TENM3: variants seen among roughly 807,000 people sequenced by gnomAD.
The protein encoded by TENM3 is teneurin transmembrane protein 3.
Under a neutral mutation model 255.1 loss-of-function variants are expected in TENM3, and 63 were observed. That is an observed-to-expected ratio of 0.25 (90% CI 0.20 to 0.30). The LOEUF is 0.30. Ranked by LOEUF, TENM3 falls within the 10% of genes least tolerant of loss-of-function variation. The pLI is 1.00. For missense variants in TENM3, 2,929 were observed against 3,461.1 expected (o/e 0.85, Z 3.86); for synonymous variants, 1,306 against 1,322.3 (o/e 0.99, Z 0.27).
chr4:182,004,029 G>A, the TENM3 span, among the ~76,000 whole-genome samples: 1 of 152,086 alleles, frequency 6.6e-6, no homozygotes, highest in African/African-American at 2.4e-5. Context: ...GAGATATGAA[G>A]AATATTGGAT....
intron 3 of TENM3, among the ~76,000 whole-genome samples, chr4:182,380,129 G>T (rs1767463940): frequency 6.6e-6 from 1 of 152,006 alleles, no homozygotes; most frequent in South Asian, 2.1e-4. Context: ...AAATTAGGCG[G>T]GCCTGGTGGC....
the TENM3 span, among the ~76,000 whole-genome samples, chr4:181,907,051 C>T: frequency 3.3e-5 from 5 of 152,020 alleles, no homozygotes; most frequent in Non-Finnish European, 7.4e-5. Context: ...GCACATGCCA[C>T]CGCACTCTAT....
the TENM3 span, among the ~76,000 whole-genome samples, chr4:181,869,325 A>C: frequency 6.6e-6 from 1 of 152,130 alleles, no homozygotes; most frequent in African/African-American, 2.4e-5. Flanking sequence ...ATGCTTAAAC[A>C]TGTATTTAAT....
At chr4:182,038,650 T>G in the TENM3 span, among the ~76,000 whole-genome samples, 3 of 152,202 alleles carry the variant, frequency 2.0e-5, no homozygotes, top group African/African-American at 7.2e-5. Flanking sequence ...TGTGGCAAGA[T>G]CTGCACAGAC....
chr4:182,481,073 A>G (rs1164213249), intron 3 of TENM3, among the ~76,000 whole-genome samples: 1 of 152,062 alleles, frequency 6.6e-6, no homozygotes, highest in Admixed American at 6.5e-5. Flanking sequence ...GAAGTTGAGA[A>G]ATTGCATTTT....
chr4:181,780,044 C>G, the TENM3 span, among the ~76,000 whole-genome samples: 1 of 152,294 alleles, frequency 6.6e-6, no homozygotes, highest in South Asian at 2.1e-4. Flanking sequence ...CATTGATGGA[C>G]ATTTGGGTTG....
At chr4:182,285,308 A>G (rs1760666282) in intron 1 of TENM3, among the ~76,000 whole-genome samples, 1 of 151,896 alleles carries the variant, frequency 6.6e-6, no homozygotes, top group Non-Finnish European at 1.5e-5. Context: ...TGGTATAAGG[A>G]ATTAACAGTC....
At chr4:182,322,122 C>A (rs956322324) in intron 1 of TENM3, among the ~76,000 whole-genome samples, 2 of 152,078 alleles carry the variant, frequency 1.3e-5, no homozygotes, top group Non-Finnish European at 2.9e-5. Context: ...AATTCAGTTT[C>A]TCTTAAGAGC....
intron 11 of TENM3, 68 bp downstream of exon 11, chr4:182,682,082 T>C: frequency 7.7e-7 from 1 of 1,299,628 alleles, no homozygotes; most frequent in Non-Finnish European, 1.1e-6. Context: ...TATTTTAATC[T>C]TTAAACCTCC....
At chr4:181,475,916 G>A in the TENM3 span, among the ~76,000 whole-genome samples, 12 of 152,308 alleles carry the variant, frequency 7.9e-5, no homozygotes, top group Non-Finnish European at 1.8e-4. Flanking sequence ...AGGGGCACCG[G>A]GTTCACCCCG....
intron 15 of TENM3, 61 bp downstream of exon 15, chr4:182,730,380 G>GTA: frequency 1.9e-6 from 3 of 1,581,846 alleles, no homozygotes; most frequent in Middle Eastern, 1.7e-4. Flanking sequence ...AGACCTTCCT[G>GTA]TACCACTGTC....
chr4:182,373,388 C>G (rs1766975450), intron 3 of TENM3, among the ~76,000 whole-genome samples: 1 of 152,166 alleles, frequency 6.6e-6, no homozygotes, highest in Non-Finnish European at 1.5e-5. Flanking sequence ...ATTTGGCTCA[C>G]AGTTCTGCAG....
At chr4:181,673,677 C>T in the TENM3 span, among the ~76,000 whole-genome samples, 25 of 152,182 alleles carry the variant, frequency 1.6e-4, no homozygotes, top group African/African-American at 5.5e-4. Flanking sequence ...AACAGAAGAA[C>T]TAAGAATACT....
Position 182,754,347 on chromosome 4 carries a change from A to G in TENM3, c.4018-38A>G. The G allele has an allele frequency of 6.6e-7, 1 of 1,522,980 alleles. No individual in the cohort carries two copies. Among genetic ancestry groups the G allele is most frequent in the Non-Finnish European group, 8.8e-7 (1 of 1,130,950 alleles). 94.3% of individuals were successfully genotyped at this position (1,522,980 alleles called of 1,614,324 possible). ...TCTTCTGGCGAATTAACTGTAGTGC[A>G]GTAACTTACTAACCAGGCCATTTCT... On this transcript the variant is annotated intron_variant, in intron 21 of 27. Coordinates refer to ENST00000511685, the MANE Select transcript of TENM3 (RefSeq NM_001080477.4). This position sits in a 1 kb window ranked among gnomAD's most constrained non-coding sequence, Gnocchi z 5.1.
chr4:181,679,466 C>T, the TENM3 span, among the ~76,000 whole-genome samples: 3 of 152,204 alleles, frequency 2.0e-5, no homozygotes, highest in East Asian at 5.8e-4. Flanking sequence ...TTTTTTCTTA[C>T]ATAAAATTCT....
At chr4:182,117,831 T>TGC in the TENM3 span, among the ~76,000 whole-genome samples, 1 of 152,066 alleles carries the variant, frequency 6.6e-6, no homozygotes, top group African/African-American at 2.4e-5. Context: ...ACAAAAAAAC[T>TGC]TACTAAGATT....
At chr4:181,570,215 T>G in the TENM3 span, among the ~76,000 whole-genome samples, 1 of 151,814 alleles carries the variant, frequency 6.6e-6, no homozygotes, top group Non-Finnish European at 1.5e-5. Flanking sequence ...CCGGCTAATT[T>G]TTTGTATTTT....
chr4:182,383,010 T>C (rs1415313525), intron 3 of TENM3, among the ~76,000 whole-genome samples: 5 of 152,278 alleles, frequency 3.3e-5, no homozygotes, highest in Middle Eastern at 3.4e-3. Context: ...GCTAAAACGT[T>C]AAGGAAGACT....
chr4:182,111,925 A>T, the TENM3 span, among the ~76,000 whole-genome samples: 1 of 152,188 alleles, frequency 6.6e-6, no homozygotes, highest in Non-Finnish European at 1.5e-5. Context: ...CTCAGTTCTT[A>T]AAGTCTTGAC....
Sources: gnomAD v4.1 joint callset for allele counts (sites outside exome capture counted in the v4.1 genomes callset) on GRCh38, gnomAD v4.1.1 for gene constraint, Gnocchi (gnomAD v3.1) non-coding constraint, MANE v1.5 for transcripts, NCBI Gene and HGNC (gene_info 2026-07-23, HGNC 2026-07-21) for gene names.